GPATCH2L: variants seen among roughly 807,000 people sequenced by gnomAD.
The protein encoded by GPATCH2L is G-patch domain containing 2 like.
In GPATCH2L, 31 loss-of-function variants were observed where a neutral mutation model predicts 57.4. The ratio of observed to expected loss-of-function variants is 0.54; its 90% CI spans 0.41 to 0.73. The LOEUF is 0.73. GPATCH2L is among the 30% of genes least tolerant of loss of function. GPATCH2L has a pLI of 0.00. For synonymous variants in GPATCH2L, 199 were observed against 210.7 expected, an observed-to-expected ratio of 0.94 and a Z score of 0.48; for missense variants, 481 against 599.9, an observed-to-expected ratio of 0.80 and a Z score of 2.07.
intron 1 of GPATCH2L, among the ~76,000 whole-genome samples, chr14:76,219,364 G>C (rs892531749): frequency 5.9e-5 from 9 of 152,142 alleles, no homozygotes; most frequent in African/African-American, 1.9e-4. Flanking sequence ...CTTAATAATA[G>C]AAGTTTTTCA....
chr14:76,176,967 C>A (rs1040122043), intron 6 of GPATCH2L, among the ~76,000 whole-genome samples: 37 of 145,968 alleles, frequency 2.5e-4, no homozygotes, highest in African/African-American at 8.7e-4. Context: ...TTTTTCTGTC[C>A]CTAAATTTTT....
At chr14:76,160,627 T>A (rs1001498155) in intron 2 of GPATCH2L, among the ~76,000 whole-genome samples, 1 of 152,146 alleles carries the variant, frequency 6.6e-6, no homozygotes, top group Admixed American at 6.5e-5. Flanking sequence ...ACGGAGATTT[T>A]AAAAAAATAT....
At position 76,171,965 on chromosome 14, in the gene GPATCH2L, T is replaced by G. The variant is rs2039105684; in HGVS notation, c.850T>G (p.Leu284Val). 3 of 1,612,592 alleles carry G rather than the reference T, an allele frequency of 1.9e-6. No individual in the cohort carries two copies. The highest frequency in any genetic ancestry group is 1.7e-5 in the Admixed American group (1 of 59,882). ...TGAAGTAGAAAGAATGGATTCTGGATTGGATAAATTTTCAGATTCCACATT... is the reference window on the plus strand; with the variant it reads ...TGAAGTAGAAAGAATGGATTCTGGAGTGGATAAATTTTCAGATTCCACATT... ...CSEVERMDSG[L>V]DKFSDSTFLL... Residue 284 changes from leucine (L) to valine (V), a missense_variant, in exon 4 of 10, where the codon TTG (leucine) becomes GTG (valine). Physicochemically the swap from Leu to Val is conservative, Grantham distance 32. This residue lies in a region of GPATCH2L where 248 missense variants were observed against 270.5 expected (regional missense o/e 0.92). Transcript: ENST00000261530.
At chr14:76,220,719 G>C (rs951534447) in intron 1 of GPATCH2L, among the ~76,000 whole-genome samples, 5 of 151,684 alleles carry the variant, frequency 3.3e-5, no homozygotes, top group Non-Finnish European at 5.9e-5. Flanking sequence ...AATTCCAAAG[G>C]GTAAATCACC....
downstream of GPATCH2L, among the ~76,000 whole-genome samples, chr14:76,215,933 T>TA (rs900189947): frequency 9.3e-5 from 14 of 151,134 alleles, 1 homozygote; most frequent in South Asian, 4.2e-4. Context: ...AAATAAAAAT[T>TA]AAAAAAAATG....
intron 8 of GPATCH2L, among the ~76,000 whole-genome samples, chr14:76,182,853 G>A (rs2039627766): frequency 6.6e-6 from 1 of 152,184 alleles, no homozygotes; most frequent in African/African-American, 2.4e-5. Flanking sequence ...TCAAGGCTCA[G>A]GGAGATCTTT....
chr14:76,198,882 A>G (rs889070549), intron 9 of GPATCH2L, among the ~76,000 whole-genome samples: 4 of 152,200 alleles, frequency 2.6e-5, no homozygotes, highest in Non-Finnish European at 5.9e-5. Context: ...TTGTAAGAAT[A>G]AATTAATAGA....
intron 2 of GPATCH2L, among the ~76,000 whole-genome samples, chr14:76,160,361 G>A (rs1010938353): frequency 1.8e-4 from 28 of 152,128 alleles, no homozygotes; most frequent in Non-Finnish European, 3.1e-4. Flanking sequence ...TGTCAAGTGT[G>A]GTTCTATCAG....
intron 8 of GPATCH2L, among the ~76,000 whole-genome samples, chr14:76,185,314 GATT>G (rs1210625665): frequency 1.3e-5 from 2 of 152,194 alleles, no homozygotes; most frequent in Non-Finnish European, 2.9e-5. Context: ...CAGATGGTGT[GATT>G]GGCGTTCTGG....
intron 1 of GPATCH2L, among the ~76,000 whole-genome samples, chr14:76,226,793 CT>C (rs1338797419): frequency 6.6e-6 from 1 of 152,168 alleles, no homozygotes; most frequent in African/African-American, 2.4e-5. Context: ...AATCTCTCTT[CT>C]TTGTAAACGA....
Position 76,154,982 on chromosome 14 carries a change from A to C in GPATCH2L, c.619A>C (p.Thr207Pro), listed in dbSNP as rs753280501. 1.9e-6 allele frequency: 3 copies of C among 1,613,706 alleles called. No individual in the cohort carries two copies. In the South Asian group the frequency reaches 3.3e-5, roughly 18 times the overall value. The change falls in exon 2 of 10, where the codon ACA becomes CCA. Residue 207 changes from threonine to proline, a missense_variant. Physicochemically the swap from Thr to Pro is conservative, Grantham distance 38 (BLOSUM62 -1). Coordinates refer to ENST00000261530, the MANE Select transcript of GPATCH2L (RefSeq NM_017926.4). This position sits in a 1 kb window ranked among gnomAD's most constrained non-coding sequence, Gnocchi z 4.4. ...TGRKERMECETDEQKQGSDEN... is the reference protein window; with the variant it reads ...TGRKERMECEPDEQKQGSDEN... Reference sequence around the variant, plus strand: ...AAGGAAAGAAAGGATGGAGTGTGAAACAGATGAACAAAAACAGGGCTCTGA... The same window carrying C: ...AAGGAAAGAAAGGATGGAGTGTGAACCAGATGAACAAAAACAGGGCTCTGA...
intron 8 of GPATCH2L, among the ~76,000 whole-genome samples, chr14:76,186,380 G>T (rs2039767604): frequency 6.6e-6 from 1 of 152,146 alleles, no homozygotes; most frequent in Non-Finnish European, 1.5e-5. Context: ...TGCCCAGCTG[G>T]CTGTGCCACT....
At chr14:76,199,930 G>A (rs117019393) in intron 9 of GPATCH2L, among the ~76,000 whole-genome samples, 5,643 of 152,190 alleles carry the variant, frequency 0.037, 155 homozygotes, top group Non-Finnish European at 0.057. Context: ...GTCCATTGCT[G>A]GATGAATGGA....
chr14:76,159,273 C>T (rs750177607), intron 2 of GPATCH2L, among the ~76,000 whole-genome samples: 1 of 152,240 alleles, frequency 6.6e-6, no homozygotes, highest in Non-Finnish European at 1.5e-5. Flanking sequence ...CTCAACTGCC[C>T]ACTTGAATTC....
chr14:76,226,350 G>C (rs1566828895), intron 1 of GPATCH2L, among the ~76,000 whole-genome samples: 1 of 152,188 alleles, frequency 6.6e-6, no homozygotes, highest in Non-Finnish European at 1.5e-5. Flanking sequence ...AGTCAAAGAT[G>C]AGAATACATT....
chr14:76,166,721 C>A lies in GPATCH2L; in HGVS notation c.721C>A (p.Arg241=), dbSNP rs769144967. 6.2e-7 allele frequency: 1 copy of A among 1,600,414 alleles called. No individual in the cohort carries two copies. The change falls in exon 3 of 10, where the codon CGA becomes AGA. Residue 241 remains arginine (R), a synonymous_variant. Coordinates refer to ENST00000261530, the MANE Select transcript of GPATCH2L (RefSeq NM_017926.4). ...DTGLFTNDEG[R]QGDDEQSDWF... ...TGGGCTCTTTACCAATGATGAAGGG[C>A]GACAAGGTAATGTCGATCCCAGCTT...
intron 2 of GPATCH2L, among the ~76,000 whole-genome samples, chr14:76,234,303 C>A (rs2040588027): frequency 6.6e-6 from 1 of 152,118 alleles, no homozygotes; most frequent in Non-Finnish European, 1.5e-5. Context: ...ATCTCTGTTG[C>A]CTAAAACAGC....
rs527905519 is a variant in GPATCH2L, at chr14:76,213,790, A to G, written c.*11939A>G. ...TCTTCTAATGTTAACTTACATACCA[A>G]TGGTACAATTATTGAAACTAGGAAA... On this transcript the variant is annotated 3_prime_UTR_variant, in exon 10 of 10. Coordinates refer to ENST00000261530, the MANE Select transcript of GPATCH2L (RefSeq NM_017926.4). The G allele has an allele frequency of 8.5e-5, 13 of 152,290 alleles. No homozygotes were observed. The highest frequency in any genetic ancestry group is 2.9e-4 in the African/African-American group (12 of 41,554). 9.4% of individuals were successfully genotyped at this position (152,290 alleles called of 1,614,324 possible).
chr14:76,157,691 A>G (rs2038374226), intron 2 of GPATCH2L, among the ~76,000 whole-genome samples: 1 of 150,748 alleles, frequency 6.6e-6, no homozygotes, highest in Non-Finnish European at 1.5e-5. Context: ...TTTCTAAAGC[A>G]TGTATTAGAT....
Sources: allele counts gnomAD v4.1 joint callset (sites outside exome capture counted in the v4.1 genomes callset), GRCh38; gene constraint gnomAD v4.1.1; regional missense constraint gnomAD v4.1.1; non-coding constraint Gnocchi (gnomAD v3.1); transcripts MANE v1.5; gene names NCBI Gene and HGNC (gene_info 2026-07-23, HGNC 2026-07-21).